AGBL1: variants seen among roughly 807,000 people sequenced by gnomAD.
AGBL1 encodes AGBL carboxypeptidase 1, also known as cytosolic carboxypeptidase 4.
A neutral mutation model predicts 118.9 loss-of-function variants in AGBL1; 130 were observed. That is an observed-to-expected ratio of 1.09 (90% CI 0.95 to 1.26). The LOEUF is 1.26. Among genes scored for constraint, AGBL1 ranks in the 50% most tolerant of loss-of-function variants. AGBL1 has a pLI of 0.00. For synonymous variants in AGBL1, 555 were observed against 478.9 expected (o/e 1.16, Z -2.08); for missense variants, 1,584 against 1,298.1 (o/e 1.22, Z -3.38).
At chr15:86,823,940 G>A (rs1596519863) in intron 22 of AGBL1, among the ~76,000 whole-genome samples, 2 of 151,832 alleles carry the variant, frequency 1.3e-5, no homozygotes, top group South Asian at 2.1e-4. Context: ...ACAATAAAAG[G>A]CATCTACAAA....
At chr15:86,667,176 C>T (rs549093586) in intron 21 of AGBL1, among the ~76,000 whole-genome samples, 1 of 151,756 alleles carries the variant, frequency 6.6e-6, no homozygotes, top group South Asian at 2.1e-4. Flanking sequence ...TATTTCTGAA[C>T]ATAAATTTTT....
At chr15:86,152,074 G>A (rs530824879) in intron 3 of AGBL1, among the ~76,000 whole-genome samples, 19 of 152,262 alleles carry the variant, frequency 1.2e-4, no homozygotes, top group East Asian at 1.9e-4. Context: ...AATCAATATC[G>A]TGAAAATGGC....
intron 1 of AGBL1, among the ~76,000 whole-genome samples, chr15:86,100,821 T>C (rs1211481924): frequency 6.6e-6 from 1 of 152,110 alleles, no homozygotes; most frequent in African/African-American, 2.4e-5. Context: ...AAAATGAAAT[T>C]TTCATTTTGT....
chr15:86,455,185 T>G (rs1260924281), intron 18 of AGBL1, among the ~76,000 whole-genome samples: 2 of 152,174 alleles, frequency 1.3e-5, no homozygotes, highest in Non-Finnish European at 2.9e-5. Flanking sequence ...ATACCAGGCA[T>G]TTGTAATGCT....
intron 17 of AGBL1, among the ~76,000 whole-genome samples, chr15:86,364,976 T>TATATATATATACACACACAC (rs1567219421): frequency 9.2e-4 from 77 of 83,286 alleles, no homozygotes; most frequent in African/African-American, 2.9e-3. Context: ...TATATATATA[T>TATATATATATACACACACAC]ATATATATAT....
At chr15:86,248,855 AG>A (rs1246549332) in intron 7 of AGBL1, among the ~76,000 whole-genome samples, 1 of 152,180 alleles carries the variant, frequency 6.6e-6, no homozygotes, top group Non-Finnish European at 1.5e-5. Flanking sequence ...TAGAGGGAGC[AG>A]GTGTTCTTTT....
At chr15:86,563,870 C>G (rs1222601191) in intron 21 of AGBL1, among the ~76,000 whole-genome samples, 1 of 152,114 alleles carries the variant, frequency 6.6e-6, no homozygotes, top group African/African-American at 2.4e-5. Flanking sequence ...GAATTGATCC[C>G]TTTACCATTA....
intron 22 of AGBL1, among the ~76,000 whole-genome samples, chr15:86,727,506 G>T (rs554060463): frequency 1.3e-5 from 2 of 152,060 alleles, no homozygotes; most frequent in Non-Finnish European, 2.9e-5. Flanking sequence ...CTGGATAAAA[G>T]AAATGTATAG....
At chr15:86,340,492 GC>G (rs1317283858) in intron 17 of AGBL1, among the ~76,000 whole-genome samples, 11 of 152,186 alleles carry the variant, frequency 7.2e-5, no homozygotes, top group Admixed American at 3.3e-4. Flanking sequence ...TGAATGCAGA[GC>G]CCAAGATTAG....
chr15:86,289,670 C>A (rs548873649), intron 16 of AGBL1, among the ~76,000 whole-genome samples: 1 of 152,274 alleles, frequency 6.6e-6, no homozygotes, highest in Admixed American at 6.5e-5. Context: ...CGTTCAAAGC[C>A]AAAAATTGCA....
chr15:86,867,647 C>A (rs1216778268), intron 22 of AGBL1, among the ~76,000 whole-genome samples: 1 of 152,000 alleles, frequency 6.6e-6, no homozygotes, highest in African/African-American at 2.4e-5. Context: ...AAAATGCACC[C>A]GGACTAGGTG....
At chr15:86,102,244 T>C (rs1320105164) in intron 1 of AGBL1, among the ~76,000 whole-genome samples, 5 of 152,140 alleles carry the variant, frequency 3.3e-5, no homozygotes, top group Admixed American at 3.3e-4. Context: ...TTTTGCCACA[T>C]TGGCCAGGCT....
chr15:86,245,928 G>T (rs1344270364), intron 6 of AGBL1, among the ~76,000 whole-genome samples: 1 of 151,874 alleles, frequency 6.6e-6, no homozygotes, highest in Non-Finnish European at 1.5e-5. Flanking sequence ...TTTTGAGCTA[G>T]GGTCTCACTC....
intron 17 of AGBL1, among the ~76,000 whole-genome samples, chr15:86,324,668 A>G (rs1325725330): frequency 1.1e-4 from 17 of 152,228 alleles, no homozygotes; most frequent in African/African-American, 2.4e-5. Context: ...TTAAGTGAGT[A>G]TTCACATAAT....
chr15:86,949,943 G>A (rs759379951), intron 23 of AGBL1, among the ~76,000 whole-genome samples: 6 of 152,016 alleles, frequency 3.9e-5, no homozygotes, highest in Non-Finnish European at 8.8e-5. Context: ...ATGATTGTAT[G>A]TAGAGTACGT....
intron 21 of AGBL1, among the ~76,000 whole-genome samples, chr15:86,567,344 T>C (rs1457351106): frequency 6.6e-6 from 1 of 152,204 alleles, no homozygotes; most frequent in African/African-American, 2.4e-5. Flanking sequence ...ATTTAGACAT[T>C]TCTTTTATTA....
chr15:86,232,653 G>T (rs2078474882), intron 6 of AGBL1, among the ~76,000 whole-genome samples: 2 of 152,128 alleles, frequency 1.3e-5, no homozygotes, highest in African/African-American at 2.4e-5. Context: ...GACTTACGGA[G>T]GGCAGGAGCA....
chr15:86,178,677 C>A (rs181544062), intron 5 of AGBL1, among the ~76,000 whole-genome samples: 1 of 152,134 alleles, frequency 6.6e-6, no homozygotes, highest in Admixed American at 6.6e-5. Flanking sequence ...AATAAAAATT[C>A]TGTACAAACT....
chr15:86,393,650 G>A (rs565691563), intron 17 of AGBL1, among the ~76,000 whole-genome samples: 3 of 151,874 alleles, frequency 2.0e-5, no homozygotes, highest in Non-Finnish European at 4.4e-5. Context: ...TTTCAGTTGT[G>A]CCTAGCTAGC....
Sources: gnomAD v4.1 joint callset for allele counts (sites outside exome capture counted in the v4.1 genomes callset) on GRCh38, gnomAD v4.1.1 for gene constraint, MANE v1.5 for transcripts, NCBI Gene and HGNC (gene_info 2026-07-23, HGNC 2026-07-21) for gene names.